The following SLC25A13 variants were observed in gnomAD, a reference collection of about 807,000 sequenced individuals.
SLC25A13 encodes the protein electrogenic aspartate/glutamate antiporter SLC25A13, mitochondrial.
In SLC25A13, 70 loss-of-function variants were observed where a neutral mutation model predicts 85.5. That is an observed-to-expected ratio of 0.82 (90% CI 0.68 to 1.00). The LOEUF (loss-of-function observed/expected upper bound fraction) is 1.00. SLC25A13 is among the 50% of genes least tolerant of loss of function. SLC25A13 has a pLI of 0.00. For synonymous variants in SLC25A13, 259 were observed against 288.7 expected, an observed-to-expected ratio of 0.90 and a Z score of 1.04; for missense variants, 765 against 819.8, an observed-to-expected ratio of 0.93 and a Z score of 0.82.
At chr7:96,128,142 A>AT (rs1221924195) in intron 15 of SLC25A13, among the ~76,000 whole-genome samples, 7 of 152,274 alleles carry the variant, frequency 4.6e-5, no homozygotes, top group Admixed American at 1.3e-4. Flanking sequence ...CTGGATATAG[A>AT]TTTTTTATGT....
chr7:96,167,047 A>G (rs1793783335), intron 13 of SLC25A13: 1 of 152,208 alleles, frequency 6.6e-6, no homozygotes, highest in African/African-American at 2.4e-5. Context: ...TCAGATTTAG[A>G]GTTTGTAAAC....
chr7:96,130,447 A>G (rs1420356232), intron 15 of SLC25A13, among the ~76,000 whole-genome samples: 5 of 152,210 alleles, frequency 3.3e-5, no homozygotes, highest in Admixed American at 6.5e-5. Context: ...CACACTCTGT[A>G]GCAGGTGCAG....
chr7:96,277,165 A>G (rs1307991127), intron 3 of SLC25A13, 31 bp downstream of exon 3: 2 of 1,528,926 alleles, frequency 1.3e-6, no homozygotes, highest in Non-Finnish European at 1.8e-6. Flanking sequence ...AAACAAAAAG[A>G]ATTAAATAAA....
intron 1 of SLC25A13, among the ~76,000 whole-genome samples, chr7:96,310,970 C>A (rs560299049): frequency 8.5e-5 from 13 of 152,138 alleles, no homozygotes. Flanking sequence ...ATCACCATTA[C>A]CCATTTCATC....
At chr7:96,310,088 T>G (rs983522017) in intron 1 of SLC25A13, among the ~76,000 whole-genome samples, 2 of 152,204 alleles carry the variant, frequency 1.3e-5, no homozygotes, top group Non-Finnish European at 2.9e-5. Context: ...CTTCCAGAAC[T>G]GTGAAAAAAT....
At chr7:96,225,961 A>AT (rs1464996976) in intron 4 of SLC25A13, among the ~76,000 whole-genome samples, 2 of 152,022 alleles carry the variant, frequency 1.3e-5, no homozygotes, top group Admixed American at 1.3e-4. Context: ...CTCCATCCCC[A>AT]TATCTACACG....
At chr7:96,279,696 C>T (rs1798597035) in intron 2 of SLC25A13, among the ~76,000 whole-genome samples, 2 of 152,156 alleles carry the variant, frequency 1.3e-5, no homozygotes, top group South Asian at 4.1e-4. Context: ...TATCACCAGT[C>T]TTTCTTCATT....
At chr7:96,308,777 AAAC>A (rs1171044750) in intron 1 of SLC25A13, among the ~76,000 whole-genome samples, 4 of 152,216 alleles carry the variant, frequency 2.6e-5, no homozygotes, top group African/African-American at 7.2e-5. Context: ...CTGAGAAGAA[AAAC>A]AACAACAAAA....
chr7:96,246,914 A>C (rs1005559037), intron 3 of SLC25A13, among the ~76,000 whole-genome samples: 47 of 152,360 alleles, frequency 3.1e-4, no homozygotes, highest in African/African-American at 1.0e-3. Flanking sequence ...TTACATGTTA[A>C]TTAAACCAGC....
chr7:96,122,101 T>C, intron 15 of SLC25A13, 104 bp from the exon 16 acceptor site: 2 of 1,463,394 alleles, frequency 1.4e-6, no homozygotes, highest in Non-Finnish European at 1.9e-6. Flanking sequence ...AAAAATCCGA[T>C]TCAATAAAAT....
intron 4 of SLC25A13, among the ~76,000 whole-genome samples, chr7:96,232,062 C>T (rs1796559363): frequency 6.6e-6 from 1 of 152,138 alleles, no homozygotes; most frequent in Non-Finnish European, 1.5e-5. Flanking sequence ...AATTATCCTT[C>T]AACCCACAAT....
Position 96,171,267 on chromosome 7 carries a change from A to C in SLC25A13, c.1230+205T>G, listed in dbSNP as rs1169204910. On this transcript the variant is annotated intron_variant, in intron 12 of 17. Coordinates refer to ENST00000265631, the MANE Select transcript of SLC25A13 (RefSeq NM_014251.3). The stretch of plus-strand genomic sequence containing the variant: ...GACAACAATGATGGCAGCAACCACC[A>C]AAAGTCCTCAAGTTTATTATCACAT... Among the ~76,000 whole-genome samples, 5 of 152,332 alleles carry C rather than the reference A, an allele frequency of 3.3e-5. No individual in the cohort carries two copies. The East Asian group carries it at 7.7e-4, about 24-fold the overall frequency.
chr7:96,316,335 T>A (rs1018314955), intron 1 of SLC25A13, among the ~76,000 whole-genome samples: 24 of 152,264 alleles, frequency 1.6e-4, no homozygotes, highest in African/African-American at 5.8e-4. Context: ...GGATTTGCGA[T>A]CTGGTTGGAG....
chr7:96,283,066 CA>C (rs1286826173), intron 2 of SLC25A13, among the ~76,000 whole-genome samples: 1 of 152,158 alleles, frequency 6.6e-6, no homozygotes, highest in Non-Finnish European at 1.5e-5. Flanking sequence ...AGGGGAATCA[CA>C]AGCCTTAATA....
At chr7:96,289,954 A>G (rs1384875146) in intron 2 of SLC25A13, among the ~76,000 whole-genome samples, 2 of 152,150 alleles carry the variant, frequency 1.3e-5, no homozygotes, top group African/African-American at 4.8e-5. Context: ...AAGACACATA[A>G]CTGTCAGATT....
At chr7:96,182,134 C>A (rs1183795804) in intron 11 of SLC25A13, among the ~76,000 whole-genome samples, 1 of 152,078 alleles carries the variant, frequency 6.6e-6, no homozygotes, top group Admixed American at 6.6e-5. Context: ...TGATGATGTA[C>A]AAGAAACTAA....
chr7:96,232,574 A>G (rs1796584017), intron 4 of SLC25A13, among the ~76,000 whole-genome samples: 1 of 151,580 alleles, frequency 6.6e-6, no homozygotes, highest in East Asian at 1.9e-4. Flanking sequence ...AAACCTGCAC[A>G]TGTACCCCTG....
At chr7:96,174,058 G>T (rs1794115220) in intron 11 of SLC25A13, among the ~76,000 whole-genome samples, 1 of 152,242 alleles carries the variant, frequency 6.6e-6, no homozygotes, top group Admixed American at 6.5e-5. Context: ...GGACAGATGA[G>T]AATGTGGAGC....
chr7:96,171,629 G>C (rs1794007145), intron 11 of SLC25A13, 105 bp from the exon 12 acceptor site: 1 of 964,912 alleles, frequency 1.0e-6, no homozygotes, highest in Non-Finnish European at 1.6e-6. Context: ...CTTAATCTCT[G>C]CTGCAATTTT....
Sources: allele counts gnomAD v4.1 joint callset (sites outside exome capture counted in the v4.1 genomes callset), GRCh38; gene constraint gnomAD v4.1.1; transcripts MANE v1.5; gene names NCBI Gene and HGNC (gene_info 2026-07-23, HGNC 2026-07-21).